CNTN3: variants seen among roughly 807,000 people sequenced by gnomAD.
CNTN3 encodes the protein contactin 3, also known as contactin-3.
In CNTN3, 60 loss-of-function variants were observed where a neutral mutation model predicts 119.1. The ratio of observed to expected loss-of-function variants is 0.50; its 90% confidence interval spans 0.41 to 0.62. CNTN3 has a LOEUF of 0.62. Ranked by LOEUF, CNTN3 falls within the 20% of genes least tolerant of loss-of-function variation. CNTN3 has a pLI of 0.00. For missense variants in CNTN3, 1,101 were observed against 1,242.4 expected (o/e 0.89, Z 1.71); for synonymous variants, 450 against 438.7 (o/e 1.03, Z -0.32).
chr3:74,318,239 T>A (rs1702885365), intron 13 of CNTN3, among the ~76,000 whole-genome samples: 1 of 150,386 alleles, frequency 6.6e-6, no homozygotes, highest in African/African-American at 2.5e-5. Flanking sequence ...TCCATTTGTC[T>A]ATTTTTTTTT....
chr3:74,557,262 G>A (rs1704083071), intron 1 of CNTN3, among the ~76,000 whole-genome samples: 1 of 152,116 alleles, frequency 6.6e-6, no homozygotes, highest in Non-Finnish European at 1.5e-5. Flanking sequence ...GAGTTTTCTA[G>A]TTTTAGCTGT....
In CNTN3 at chr3:74,283,330, C is replaced by A. The variant is rs946570490; in HGVS notation, c.2704+1975G>T. Among the ~76,000 whole-genome samples the A allele has an allele frequency of 3.3e-5, 5 of 152,078 alleles. No homozygotes were observed. The East Asian group carries it at 9.6e-4, about 29-fold the overall frequency. On this transcript the variant is annotated intron_variant, in intron 20 of 22. Transcript: ENST00000263665. ...TTGCTGTGGGAATTAAGAATCAATA[C>A]ATGAAAATTACTTAGAACCATGACC...
intron 13 of CNTN3, among the ~76,000 whole-genome samples, chr3:74,313,789 C>G (rs1002743874): frequency 1.3e-5 from 2 of 152,132 alleles, no homozygotes; most frequent in Non-Finnish European, 2.9e-5. Context: ...ATAGATGATA[C>G]ATGTTTCATT....
chr3:74,327,105 C>CTTTTTTTTTTTTT (rs1491284899), intron 13 of CNTN3, among the ~76,000 whole-genome samples: 122 of 90,696 alleles, frequency 1.3e-3, no homozygotes, highest in Non-Finnish European at 1.6e-3. Flanking sequence ...AAGGGTTAAT[C>CTTTTTTTTTTTTT]CTTTTTTTTT....
intron 11 of CNTN3, among the ~76,000 whole-genome samples, chr3:74,343,876 C>T (rs895297834): frequency 2.0e-5 from 3 of 151,908 alleles, no homozygotes; most frequent in African/African-American, 7.3e-5. Flanking sequence ...ACAGGGACTG[C>T]GCTTTGAGAG....
intron 1 of CNTN3, among the ~76,000 whole-genome samples, chr3:74,537,815 G>A (rs115742456): frequency 0.013 from 1,961 of 152,178 alleles, 51 homozygotes; most frequent in African/African-American, 0.045. Flanking sequence ...TCCCAGAGAT[G>A]GAGGGATGGA....
intron 4 of CNTN3, among the ~76,000 whole-genome samples, chr3:74,457,514 C>CAAA (rs1184004754): frequency 6.6e-6 from 1 of 151,808 alleles, no homozygotes; most frequent in Non-Finnish European, 1.5e-5. Context: ...AGCCGCCCCC[C>CAAA]AAAAAATAAA....
chr3:74,334,652 G>A, intron 13 of CNTN3, 83 bp downstream of exon 13: 1 of 1,228,792 alleles, frequency 8.1e-7, no homozygotes, highest in East Asian at 2.4e-5. Context: ...CTAGAGCATT[G>A]TCTATATGTC....
intron 20 of CNTN3, among the ~76,000 whole-genome samples, chr3:74,267,968 A>T (rs1309684699): frequency 6.6e-6 from 1 of 152,156 alleles, no homozygotes; most frequent in Non-Finnish European, 1.5e-5. Flanking sequence ...AAAAATAAGA[A>T]TTACTTAGAT....
intron 1 of CNTN3, among the ~76,000 whole-genome samples, chr3:74,605,129 A>C (rs1704969403): frequency 6.6e-6 from 1 of 152,122 alleles, no homozygotes; most frequent in South Asian, 2.1e-4. Flanking sequence ...AATGGTGGTT[A>C]CCAGGGGGGT....
chr3:74,419,300 T>G (rs1701580608), intron 5 of CNTN3, among the ~76,000 whole-genome samples: 1 of 152,152 alleles, frequency 6.6e-6, no homozygotes. Flanking sequence ...CAAGTCTTCC[T>G]AGAGATGAAA....
intron 2 of CNTN3, among the ~76,000 whole-genome samples, chr3:74,518,378 A>G (rs918797369): frequency 6.6e-6 from 1 of 151,972 alleles, no homozygotes; most frequent in South Asian, 2.1e-4. Context: ...GTTTTTCTGT[A>G]AAAACATGGA....
chr3:74,322,642 G>A (rs531095865), intron 13 of CNTN3, among the ~76,000 whole-genome samples: 1 of 152,250 alleles, frequency 6.6e-6, no homozygotes, highest in East Asian at 1.9e-4. Context: ...ATGCTCTTTG[G>A]TACTTACCAA....
chr3:74,400,623 G>C (rs1333164173), intron 5 of CNTN3, among the ~76,000 whole-genome samples: 1 of 152,002 alleles, frequency 6.6e-6, no homozygotes, highest in Non-Finnish European at 1.5e-5. Flanking sequence ...TGCAACTATG[G>C]CACCATGACA....
chr3:74,555,174 G>A (rs902896389), intron 1 of CNTN3, among the ~76,000 whole-genome samples: 2 of 152,198 alleles, frequency 1.3e-5, no homozygotes, highest in Admixed American at 1.3e-4. Flanking sequence ...AGGTAATCAT[G>A]TGGTTTTTGT....
At chr3:74,529,521 G>A (rs1703664565) in intron 1 of CNTN3, among the ~76,000 whole-genome samples, 1 of 151,886 alleles carries the variant, frequency 6.6e-6, no homozygotes, top group Non-Finnish European at 1.5e-5. Flanking sequence ...TATTATTTGA[G>A]TGGTTCCTCA....
intron 1 of CNTN3, among the ~76,000 whole-genome samples, chr3:74,594,217 G>T (rs1481020630): frequency 6.6e-6 from 1 of 150,556 alleles, no homozygotes; most frequent in African/African-American, 2.4e-5. Flanking sequence ...CCAGTCTCTA[G>T]CACTATTAAA....
intron 1 of CNTN3, among the ~76,000 whole-genome samples, chr3:74,522,471 C>T (rs1372478689): frequency 6.6e-6 from 1 of 151,790 alleles, no homozygotes; most frequent in Non-Finnish European, 1.5e-5. Context: ...TTGGGTTCCA[C>T]AACACAAATA....
At chr3:74,282,636 A>T (rs1246113325) in intron 20 of CNTN3, among the ~76,000 whole-genome samples, 1 of 152,172 alleles carries the variant, frequency 6.6e-6, no homozygotes, top group African/African-American at 2.4e-5. Context: ...CTTTATGCCA[A>T]GGCAGACAAG....
Sources: gnomAD v4.1 joint callset for allele counts (sites outside exome capture counted in the v4.1 genomes callset) on GRCh38, gnomAD v4.1.1 for gene constraint, MANE v1.5 for transcripts, NCBI Gene and HGNC (gene_info 2026-07-23, HGNC 2026-07-21) for gene names.